Variants in FAAH2 observed in about 807,000 individuals in gnomAD.
The protein encoded by FAAH2 is fatty-acid amide hydrolase 2.
FAAH2 carries 60 observed loss-of-function variants against 36.9 expected under a neutral mutation model. That is an observed-to-expected ratio of 1.63 (90% CI 1.32 to 2.02). FAAH2 has a LOEUF of 2.02. Among genes scored for constraint, FAAH2 ranks in the 30% most tolerant of loss-of-function variants. The pLI is 0.00. For synonymous variants in FAAH2, 214 were observed against 143.8 expected (o/e 1.49, Z -3.49); for missense variants, 689 against 397.5 (o/e 1.73, Z -6.23).
chrX:57,175,115 A>G, the FAAH2 span, among the ~76,000 whole-genome samples: 2 of 111,657 alleles, frequency 1.8e-5, no homozygotes, highest in African/African-American at 3.2e-5. Context: ...GTTTAAGTTT[A>G]GTCCTTCTTC....
chrX:57,383,121 TAAC>T (rs2054903523), intron 7 of FAAH2, among the ~76,000 whole-genome samples: 1 of 111,727 alleles, frequency 9.0e-6, no homozygotes, highest in Non-Finnish European at 1.9e-5. Context: ...TGACAAAATT[TAAC>T]AACACTTCAA....
At chrX:57,195,993 G>C in the FAAH2 span, among the ~76,000 whole-genome samples, 2 of 112,032 alleles carry the variant, frequency 1.8e-5, no homozygotes, top group African/African-American at 6.5e-5. Context: ...TGCTATTTTG[G>C]TGGTTATAGC....
At chrX:57,449,777 C>T (rs1174673850) in intron 10 of FAAH2, among the ~76,000 whole-genome samples, 1 of 110,976 alleles carries the variant, frequency 9.0e-6, no homozygotes, top group African/African-American at 3.3e-5. Context: ...AGCGATTCTC[C>T]TACCTCAGAC....
chrX:57,163,093 G>A, the FAAH2 span, among the ~76,000 whole-genome samples: 8 of 111,952 alleles, frequency 7.1e-5, no homozygotes, highest in South Asian at 2.7e-3. Flanking sequence ...AGGACCCTCA[G>A]CTGCAGGTCT....
At chrX:57,479,476 T>A (rs914122295) in intron 10 of FAAH2, among the ~76,000 whole-genome samples, 4 of 111,346 alleles carry the variant, frequency 3.6e-5, no homozygotes, top group African/African-American at 1.3e-4. Flanking sequence ...TTGAATGCCC[T>A]TTTTTTCCTT....
the FAAH2 span, among the ~76,000 whole-genome samples, chrX:57,170,605 G>T: frequency 1.8e-5 from 2 of 110,888 alleles, no homozygotes; most frequent in African/African-American, 6.6e-5. Context: ...TCTGCCTTCT[G>T]AGTCTTTAAT....
the FAAH2 span, among the ~76,000 whole-genome samples, chrX:57,151,328 T>A: frequency 1.2e-4 from 13 of 112,314 alleles, no homozygotes; most frequent in East Asian, 3.6e-3. Flanking sequence ...ATTGGGGAAG[T>A]TCTCCTGGAT....
chrX:57,342,920 C>T (rs2053722561), intron 5 of FAAH2, among the ~76,000 whole-genome samples: 1 of 111,568 alleles, frequency 9.0e-6, no homozygotes, highest in African/African-American at 3.3e-5. Flanking sequence ...TAATAATGGC[C>T]TCTAGCTGCA....
At chrX:57,152,345 TTGTC>T in the FAAH2 span, among the ~76,000 whole-genome samples, 1 of 112,549 alleles carries the variant, frequency 8.9e-6, no homozygotes, top group African/African-American at 3.2e-5. Context: ...GTATTTTTCT[TTGTC>T]TGTGCCCTGC....
intron 8 of FAAH2, among the ~76,000 whole-genome samples, chrX:57,432,995 A>AT (rs1288757948): frequency 9.1e-6 from 1 of 109,563 alleles, no homozygotes; most frequent in Non-Finnish European, 1.9e-5. Context: ...CACTTTTAAA[A>AT]TTTTTTCAAA....
chrX:57,199,054 C>T, the FAAH2 span, among the ~76,000 whole-genome samples: 1 of 109,833 alleles, frequency 9.1e-6, no homozygotes, highest in East Asian at 2.9e-4. Flanking sequence ...AGCAAAAGTT[C>T]AGAATGTGAG....
At chrX:57,381,140 G>A (rs1170344569) in intron 7 of FAAH2, 111 bp downstream of exon 7, 2 of 541,378 alleles carry the variant, frequency 3.7e-6, no homozygotes, top group Non-Finnish European at 5.9e-6. Context: ...ACGGAATTAA[G>A]GTTTTCAGAA....
the FAAH2 span, among the ~76,000 whole-genome samples, chrX:57,205,533 A>G: frequency 3.6e-5 from 4 of 112,342 alleles, no homozygotes; most frequent in Non-Finnish European, 7.5e-5. Context: ...TGTATGAAGA[A>G]TCAGAAATCA....
At chrX:57,328,333 C>A (rs986590661) in intron 3 of FAAH2, among the ~76,000 whole-genome samples, 1 of 111,693 alleles carries the variant, frequency 9.0e-6, no homozygotes, top group Non-Finnish European at 1.9e-5. Flanking sequence ...TCTCAAGCTG[C>A]GTGCTGGGAG....
At chrX:57,319,550 T>A (rs1053560300) in intron 3 of FAAH2, among the ~76,000 whole-genome samples, 5 of 112,238 alleles carry the variant, frequency 4.5e-5, no homozygotes, top group Non-Finnish European at 9.4e-5. Context: ...AAACATTTCA[T>A]GCTCATGGGT....
intron 10 of FAAH2, among the ~76,000 whole-genome samples, chrX:57,481,963 A>G (rs749472182): frequency 1.2e-4 from 13 of 111,761 alleles, no homozygotes; most frequent in African/African-American, 2.6e-4. Flanking sequence ...CCACTGAGGA[A>G]GAATCTAGGG....
intron 2 of FAAH2, among the ~76,000 whole-genome samples, chrX:57,303,645 A>C (rs749330005): frequency 8.9e-6 from 1 of 111,941 alleles, no homozygotes; most frequent in African/African-American, 3.2e-5. Flanking sequence ...TAACCACCTC[A>C]GATCAGTCTT....
chrX:57,336,454 CTT>C lies in FAAH2; in HGVS notation c.622+4648_622+4649del, dbSNP rs1448656695. 2.7e-5 allele frequency among the ~76,000 whole-genome samples: 3 copies of C among 111,457 alleles called. No individual in the cohort carries two copies. The Admixed American group carries it at 2.9e-4, about 11-fold the overall frequency. On this transcript the variant is annotated intron_variant, in intron 4 of 10. Coordinates refer to ENST00000374900, the MANE Select transcript of FAAH2 (RefSeq NM_174912.4). Reference sequence around the variant, plus strand: ...TCTCTTCACACGGACGCGCATGAAACTTAGTACAGAACAAAATGGAGTCTCTT... The same window carrying C: ...TCTCTTCACACGGACGCGCATGAAACAGTACAGAACAAAATGGAGTCTCTT...
chrX:57,482,969 G>A (rs1412823817), intron 10 of FAAH2, among the ~76,000 whole-genome samples: 1 of 109,817 alleles, frequency 9.1e-6, no homozygotes, highest in Non-Finnish European at 1.9e-5. Context: ...ACTTTAGATA[G>A]TCTGATCACT....
Sources: allele counts gnomAD v4.1 joint callset (sites outside exome capture counted in the v4.1 genomes callset), GRCh38; gene constraint gnomAD v4.1.1; transcripts MANE v1.5; gene names NCBI Gene and HGNC (gene_info 2026-07-23, HGNC 2026-07-21).